The following LPAR1 variants were observed in gnomAD, a reference collection of about 807,000 sequenced individuals.
LPAR1 encodes lysophosphatidic acid receptor 1, also known as LPA receptor 1.
In LPAR1, 5 loss-of-function variants were observed where a neutral mutation model predicts 23.8. The ratio of observed to expected loss-of-function variants is 0.21; its 90% CI spans 0.11 to 0.44. The LOEUF is 0.44. Among genes scored for constraint, LPAR1 ranks in the 20% least tolerant of loss-of-function variants. LPAR1 has a pLI of 0.99. For synonymous variants in LPAR1, 160 were observed against 164.7 expected, an observed-to-expected ratio of 0.97 and a Z score of 0.22; for missense variants, 311 against 482.8, an observed-to-expected ratio of 0.64 and a Z score of 3.33.
At position 110,983,873 on chromosome 9, in the gene LPAR1, T is replaced by C. The variant is rs1165540540; in HGVS notation, c.-181-10315A>G. Reference sequence around the variant, plus strand: ...TAAGATGAAGGAATAAATTTCAAGATTTTGTCAGAAATATGGAACGACTCA... The same window carrying C: ...TAAGATGAAGGAATAAATTTCAAGACTTTGTCAGAAATATGGAACGACTCA... On this transcript the variant is annotated intron_variant, in intron 2 of 5. Transcript: ENST00000683809. Among the ~76,000 whole-genome samples the C allele has an allele frequency of 2.6e-5, 4 of 152,120 alleles. No homozygotes were observed. The East Asian group carries it at 5.8e-4, about 22-fold the overall frequency.
chr9:110,892,657 G>C (rs2084625428), intron 5 of LPAR1, among the ~76,000 whole-genome samples: 1 of 131,662 alleles, frequency 7.6e-6, no homozygotes, highest in Non-Finnish European at 1.6e-5. Flanking sequence ...GAGTGAGAAA[G>C]AAAGAAAGAA....
intron 2 of LPAR1, among the ~76,000 whole-genome samples, chr9:110,987,670 G>GTATA (rs34757955): frequency 0.021 from 3,147 of 147,926 alleles, 82 homozygotes; most frequent in African/African-American, 0.06. Flanking sequence ...GAACCTACAT[G>GTATA]TATATATATA....
Position 110,965,545 on chromosome 9 carries a change from A to G in LPAR1, c.45+6528T>C, listed in dbSNP as rs1344287413. On this transcript the variant is annotated intron_variant, in intron 4 of 5. Coordinates refer to ENST00000683809, the MANE Select transcript of LPAR1 (RefSeq NM_001351411.2). ...AAAGCTCATTATTCCTGGTCATTAG[A>G]GAAATGCAAATCAAAACCACAATGA... Among the ~76,000 whole-genome samples the G allele has an allele frequency of 2.6e-5, 4 of 152,250 alleles. No individual in the cohort carries two copies. The East Asian group carries it at 7.7e-4, about 29-fold the overall frequency.
At chr9:111,027,117 T>C (rs2097706053) in intron 2 of LPAR1, among the ~76,000 whole-genome samples, 1 of 152,172 alleles carries the variant, frequency 6.6e-6, no homozygotes, top group South Asian at 2.1e-4. Flanking sequence ...AGCTCCTCTT[T>C]GTAACTTTGG....
intron 5 of LPAR1, among the ~76,000 whole-genome samples, chr9:110,882,154 A>G (rs1453378797): frequency 6.6e-6 from 1 of 152,214 alleles, no homozygotes; most frequent in Non-Finnish European, 1.5e-5. Context: ...ATGCTGATAT[A>G]CCCAAATGAT....
chr9:111,012,593 C>T (rs959723228), intron 2 of LPAR1, among the ~76,000 whole-genome samples: 3 of 152,042 alleles, frequency 2.0e-5, no homozygotes, highest in African/African-American at 7.2e-5. Context: ...CCCTGGTAAT[C>T]ACATCTTTCA....
chr9:110,878,250 C>T lies in LPAR1; in HGVS notation c.794-2528G>A, dbSNP rs58870248. On this transcript the variant is annotated intron_variant, in intron 5 of 5. Coordinates refer to ENST00000683809, the MANE Select transcript of LPAR1 (RefSeq NM_001351411.2). The stretch of plus-strand genomic sequence containing the variant: ...GGCCTCCGAAATCAACATCTAAAAC[C>T]AATCATATGGAAATTCTGCGCCCCC... Among the ~76,000 whole-genome samples the T allele has an allele frequency of 4.3e-3, 655 of 152,212 alleles. 4 individuals are homozygous for T. The highest frequency in any genetic ancestry group is 0.015 in the African/African-American group (622 of 41,546).
chr9:110,960,664 T>C (rs10817122), intron 4 of LPAR1, among the ~76,000 whole-genome samples: 34,662 of 152,074 alleles, frequency 0.23, 4,502 homozygotes, highest in Admixed American at 0.3. Flanking sequence ...AAGAAAGAAA[T>C]TGAATTCAGT....
At chr9:111,005,424 T>G (rs1362819421) in intron 2 of LPAR1, among the ~76,000 whole-genome samples, 1 of 151,206 alleles carries the variant, frequency 6.6e-6, no homozygotes, top group Non-Finnish European at 1.5e-5. Context: ...TGTGTGACTG[T>G]GTAGTCCCAG....
chr9:110,936,542 G>A (rs2094718329), intron 5 of LPAR1, among the ~76,000 whole-genome samples: 1 of 152,170 alleles, frequency 6.6e-6, no homozygotes, highest in Non-Finnish European at 1.5e-5. Flanking sequence ...AACGTAAAAT[G>A]AGGAAAATGT....
At position 110,941,752 on chromosome 9, in the gene LPAR1, C is replaced by T; in HGVS notation, c.462G>A (p.Gln154=). Residue 154 remains glutamine (Q), a synonymous_variant, in exon 5 of 6, where the codon CAG becomes CAA. Transcript: ENST00000683809. This position sits in a 1 kb window ranked among gnomAD's most constrained non-coding sequence, Gnocchi z 6.1. The stretch of plus-strand genomic sequence containing the variant: ...GCCGGTTGCTCATCCGTGTGTGGAG[C>T]TGCATGCGGAAAACCGTAATGTGCC... ...IERHITVFRM[Q]LHTRMSNRRV... The T allele has an allele frequency of 6.2e-7, 1 of 1,614,146 alleles. No homozygotes were observed. Among genetic ancestry groups the T allele is most frequent in the South Asian group, 1.1e-5 (1 of 91,078 alleles).
intron 4 of LPAR1, among the ~76,000 whole-genome samples, chr9:110,962,711 C>G (rs370314304): frequency 6.6e-6 from 1 of 152,190 alleles, no homozygotes; most frequent in Non-Finnish European, 1.5e-5. Flanking sequence ...TTGCTTTTCT[C>G]CTGGCCTGAG....
intron 4 of LPAR1, among the ~76,000 whole-genome samples, chr9:110,962,934 AG>A (rs2096059393): frequency 2.0e-5 from 3 of 152,228 alleles, no homozygotes. Context: ...GGAAAAAAAC[AG>A]CAGGCCACTG....
At chr9:110,998,028 G>A (rs1467898157) in intron 2 of LPAR1, among the ~76,000 whole-genome samples, 3 of 152,122 alleles carry the variant, frequency 2.0e-5, no homozygotes, top group Non-Finnish European at 4.4e-5. Flanking sequence ...AGATGTATGA[G>A]CCCCACCCCA....
chr9:110,962,583 G>A (rs2096043122), intron 4 of LPAR1, among the ~76,000 whole-genome samples: 1 of 152,114 alleles, frequency 6.6e-6, no homozygotes, highest in Admixed American at 6.5e-5. Flanking sequence ...GCTACTAAAG[G>A]TTGTCTGAAT....
At chr9:110,977,802 AGGAAGGAGGGAGGGAGGGCG>A (rs1246559361) in intron 2 of LPAR1, among the ~76,000 whole-genome samples, 15 of 93,456 alleles carry the variant, frequency 1.6e-4, no homozygotes, top group Non-Finnish European at 2.8e-4. Flanking sequence ...GAAGGAAGGA[AGGAAGGAGGGAGGGAGGGCG>A]GGAGGGAGGG....
intron 5 of LPAR1, among the ~76,000 whole-genome samples, chr9:110,931,585 A>C (rs2094419906): frequency 1.3e-5 from 2 of 152,200 alleles, no homozygotes; most frequent in South Asian, 4.1e-4. Flanking sequence ...TTTAGACATG[A>C]AGTCCTTGCC....
chr9:110,942,733 T>C (rs886694781), intron 4 of LPAR1, among the ~76,000 whole-genome samples: 1 of 152,150 alleles, frequency 6.6e-6, no homozygotes, highest in Admixed American at 6.5e-5. Context: ...AAAGCCAGCA[T>C]TTGCTGCTCA....
chr9:111,029,063 G>T (rs770764931), intron 2 of LPAR1, among the ~76,000 whole-genome samples: 1 of 152,122 alleles, frequency 6.6e-6, no homozygotes, highest in Non-Finnish European at 1.5e-5. Flanking sequence ...CTTGATAACC[G>T]ATAAAACTAC....
Sources: gnomAD v4.1 joint callset for allele counts (sites outside exome capture counted in the v4.1 genomes callset) on GRCh38, gnomAD v4.1.1 for gene constraint, Gnocchi (gnomAD v3.1) non-coding constraint, MANE v1.5 for transcripts, NCBI Gene and HGNC (gene_info 2026-07-23, HGNC 2026-07-21) for gene names.